Variants in WNT2 observed in about 807,000 individuals in gnomAD.
WNT2 encodes protein Wnt-2.
WNT2 carries 12 observed loss-of-function variants against 36.9 expected under a neutral mutation model. The ratio of observed to expected loss-of-function variants is 0.33; its 90% CI spans 0.21 to 0.53. WNT2 has a LOEUF of 0.53. Ranked by LOEUF, WNT2 falls within the 20% of genes least tolerant of loss-of-function variation. The pLI, the probability that WNT2 is intolerant of heterozygous loss-of-function variation, is 0.95. For missense variants in WNT2, 379 were observed against 473.1 expected (o/e 0.80, Z 1.84); for synonymous variants, 163 against 174.6 (o/e 0.93, Z 0.52).
At chr7:117,280,680 G>A (rs537614101) in intron 4 of WNT2, among the ~76,000 whole-genome samples, 6 of 152,306 alleles carry the variant, frequency 3.9e-5, no homozygotes, top group Admixed American at 3.9e-4. Flanking sequence ...CCTTGGGCAA[G>A]TTACTTAAAC....
chr7:117,316,155 T>A (rs1309184312), intron 2 of WNT2, among the ~76,000 whole-genome samples: 1 of 152,250 alleles, frequency 6.6e-6, no homozygotes, highest in African/African-American at 2.4e-5. Flanking sequence ...TAATTAGACT[T>A]GGGCAAGAAC....
chr7:117,304,820 T>C (rs912966546), intron 3 of WNT2, among the ~76,000 whole-genome samples: 3 of 152,218 alleles, frequency 2.0e-5, no homozygotes, highest in African/African-American at 7.2e-5. Flanking sequence ...TTTTCTCTCA[T>C]CTTTTCAATA....
At chr7:117,318,380 A>G (rs117729279) in intron 2 of WNT2, among the ~76,000 whole-genome samples, 154 of 152,356 alleles carry the variant, frequency 1.0e-3, no homozygotes, top group Non-Finnish European at 1.7e-3. Context: ...AAGAGTTTGC[A>G]TAAATGTCTG....
At chr7:117,308,162 A>G (rs1242015065) in intron 3 of WNT2, among the ~76,000 whole-genome samples, 1 of 152,226 alleles carries the variant, frequency 6.6e-6, no homozygotes, top group East Asian at 1.9e-4. Context: ...CCTTTTAAAC[A>G]TACACACTCT....
chr7:117,319,522 T>TGG (rs67181334), intron 2 of WNT2, among the ~76,000 whole-genome samples: 136 of 122,236 alleles, frequency 1.1e-3, no homozygotes, highest in African/African-American at 2.6e-3. Flanking sequence ...TCTTAGGAAT[T>TGG]GGGGGGGGGG....
At chr7:117,306,853 G>A in intron 3 of WNT2, among the ~76,000 whole-genome samples, 1 of 152,074 alleles carries the variant, frequency 6.6e-6, no homozygotes, top group Non-Finnish European at 1.5e-5. Flanking sequence ...GACTCTTTTG[G>A]TGTTTAGCTT....
intron 4 of WNT2, among the ~76,000 whole-genome samples, chr7:117,282,406 G>C (rs1794504922): frequency 8.5e-6 from 1 of 117,908 alleles, no homozygotes; most frequent in African/African-American, 3.3e-5. Context: ...GGAAGAGGAG[G>C]AGGAAGACAA....
intron 2 of WNT2, among the ~76,000 whole-genome samples, chr7:117,319,791 G>A (rs10237017): frequency 0.011 from 1,722 of 152,180 alleles, 28 homozygotes; most frequent in African/African-American, 0.039. Flanking sequence ...AATGTTTAAG[G>A]TTCCTGCTAA....
In WNT2 at chr7:117,275,691, G is replaced by C. The variant is rs1391524397; in HGVS notation, c.*2464C>G. Among the ~76,000 whole-genome samples the C allele has an allele frequency of 6.6e-6, 1 of 152,202 alleles. No individual in the cohort carries two copies. The highest frequency in any genetic ancestry group is 1.5e-5 in the Non-Finnish European group (1 of 68,038). The stretch of plus-strand genomic sequence containing the variant: ...ATCCTCTACCAAGCTCTAAGGCAAA[G>C]GAGTTTAAAATTACCTTCATTTGTT... On this transcript the variant is annotated 3_prime_UTR_variant, in exon 5 of 5. Transcript: ENST00000265441.
chr7:117,313,641 C>G (rs1029347885), intron 3 of WNT2, among the ~76,000 whole-genome samples: 2 of 152,116 alleles, frequency 1.3e-5, no homozygotes, highest in Non-Finnish European at 2.9e-5. Flanking sequence ...ACTATATACC[C>G]TGTTTGAACA....
chr7:117,287,322 G>A (rs573804216), intron 4 of WNT2, among the ~76,000 whole-genome samples: 23 of 152,282 alleles, frequency 1.5e-4, no homozygotes, highest in South Asian at 4.1e-4. Context: ...TCCAGCCTGG[G>A]CGACAGAGCG....
intron 2 of WNT2, among the ~76,000 whole-genome samples, chr7:117,316,746 TCATG>T (rs1795227262): frequency 6.6e-6 from 1 of 152,168 alleles, no homozygotes; most frequent in East Asian, 1.9e-4. Flanking sequence ...AAGGAATCAA[TCATG>T]CCCTGTAGTT....
rs1040303146 is a variant in WNT2, at chr7:117,276,191, C to T, written c.*1964G>A. ...CCCAAACTAAAGGAAGCTGAGATGT[C>T]TCCTAAGATCCTTTCCAATTTGAAA... On this transcript the variant is annotated 3_prime_UTR_variant, in exon 5 of 5. Transcript: ENST00000265441. Among the ~76,000 whole-genome samples the T allele has an allele frequency of 1.3e-5, 2 of 152,218 alleles. No individual in the cohort carries two copies. The highest frequency in any genetic ancestry group is 2.9e-5 in the Non-Finnish European group (2 of 68,042).
chr7:117,308,709 A>T (rs1482232608), intron 3 of WNT2, among the ~76,000 whole-genome samples: 2 of 152,222 alleles, frequency 1.3e-5, no homozygotes, highest in Non-Finnish European at 2.9e-5. Flanking sequence ...GAGGGTCAGG[A>T]TGAATAGGAG....
intron 3 of WNT2, among the ~76,000 whole-genome samples, chr7:117,308,234 T>A (rs1795049236): frequency 6.6e-6 from 1 of 152,232 alleles, no homozygotes; most frequent in African/African-American, 2.4e-5. Flanking sequence ...AAACATTTAT[T>A]AACTTAAGAC....
At chr7:117,278,868 A>G (rs559557792) in intron 4 of WNT2, among the ~76,000 whole-genome samples, 5 of 152,206 alleles carry the variant, frequency 3.3e-5, no homozygotes, top group Non-Finnish European at 4.4e-5. Flanking sequence ...TTTTATCTCC[A>G]TAGACCTGAT....
rs1314749675 is a variant in WNT2 at position 117,277,436 on chromosome 7, CA to C, written c.*718del. 1.3e-5 allele frequency: 2 copies of C among 152,198 alleles called. No homozygotes were observed. The highest frequency in any genetic ancestry group is 2.9e-5 in the Non-Finnish European group (2 of 68,044). The allele number at this position is 152,198 out of a possible 1,614,324, so 9.4% of individuals were successfully genotyped here. A position where few individuals can be genotyped will look rare whatever the true frequency, so the allele number is the denominator to read the frequency against. The stretch of plus-strand genomic sequence containing the variant: ...TTTTTATATCAAGGGGACAGTAATG[CA>C]AAGCAATCCCTTTCTGAGGCTTTTG... On this transcript the variant is annotated 3_prime_UTR_variant, in exon 5 of 5. Transcript: ENST00000265441.
At chr7:117,303,189 G>A (rs1300829508) in intron 3 of WNT2, among the ~76,000 whole-genome samples, 1 of 152,170 alleles carries the variant, frequency 6.6e-6, no homozygotes, top group Non-Finnish European at 1.5e-5. Flanking sequence ...CCAGACCCAG[G>A]GATGCAGAGG....
chr7:117,310,582 CAAAAAAA>C (rs774296887), intron 3 of WNT2, among the ~76,000 whole-genome samples: 2 of 55,074 alleles, frequency 3.6e-5, no homozygotes, highest in East Asian at 1.3e-3. Context: ...GACCCTGTCT[CAAAAAAA>C]AAAAAAAAAA....
Sources: gnomAD v4.1 joint callset for allele counts (sites outside exome capture counted in the v4.1 genomes callset) on GRCh38, gnomAD v4.1.1 for gene constraint, MANE v1.5 for transcripts, NCBI Gene and HGNC (gene_info 2026-07-23, HGNC 2026-07-21) for gene names.